Variants in LRCH1 observed in about 807,000 individuals in gnomAD.
LRCH1 encodes the protein leucine-rich repeat and calponin homology domain-containing protein 1.
In LRCH1, 23 loss-of-function variants were observed where a neutral mutation model predicts 94.9. The ratio of observed to expected loss-of-function variants is 0.24; its 90% confidence interval spans 0.17 to 0.34. The LOEUF (loss-of-function observed/expected upper bound fraction) is 0.34, where lower values mean the gene tolerates loss of function less well. Among genes scored for constraint, LRCH1 ranks in the 10% least tolerant of loss-of-function variants. The pLI is 1.00. For missense variants in LRCH1, 790 were observed against 945.9 expected, an observed-to-expected ratio of 0.84 and a Z score of 2.16; for synonymous variants, 364 against 354.9, an observed-to-expected ratio of 1.03 and a Z score of -0.29.
At chr13:46,680,457 T>C (rs560192946) in intron 3 of LRCH1, among the ~76,000 whole-genome samples, 1 of 152,168 alleles carries the variant, frequency 6.6e-6, no homozygotes, top group Admixed American at 6.5e-5. Flanking sequence ...AAGTGGTCAG[T>C]CTCCCTGGGC....
At chr13:46,586,503 C>T (rs942381738) in intron 1 of LRCH1, among the ~76,000 whole-genome samples, 3 of 152,186 alleles carry the variant, frequency 2.0e-5, no homozygotes, top group African/African-American at 7.2e-5. Flanking sequence ...GCAGCTTCCA[C>T]TTCCCCAGGC....
chr13:46,710,331 C>T (rs1871994589), intron 13 of LRCH1, among the ~76,000 whole-genome samples: 2 of 152,216 alleles, frequency 1.3e-5, no homozygotes, highest in Admixed American at 1.3e-4. Flanking sequence ...AGCAAGACAC[C>T]GTGGCTGTGG....
intron 6 of LRCH1, 33 bp downstream of exon 6, chr13:46,688,012 A>C (rs1352897228): frequency 1.3e-6 from 2 of 1,586,714 alleles, no homozygotes; most frequent in African/African-American, 2.7e-5. Context: ...GCCCCAGTTT[A>C]AAATTTGCCT....
chr13:46,685,088 C>A (rs1382210397), intron 4 of LRCH1, among the ~76,000 whole-genome samples: 2 of 152,184 alleles, frequency 1.3e-5, no homozygotes, highest in Non-Finnish European at 2.9e-5. Flanking sequence ...AACAAAAGTT[C>A]CGAGGCCTCG....
In LRCH1 at chr13:46,553,252, G is replaced by C; in HGVS notation, c.-145G>C. On this transcript the variant is annotated 5_prime_UTR_variant, in exon 1 of 20. Coordinates refer to ENST00000389797, the MANE Select transcript of LRCH1 (RefSeq NM_001164211.2). ...TCCCCGCCCGCCCCCCATTCTACGC[G>C]CCTGCCCACACCCTCCTCCCCTCCT... 3 of 358,286 alleles carry C rather than the reference G, an allele frequency of 8.4e-6. No individual in the cohort carries two copies. The highest frequency in any genetic ancestry group is 1.5e-5 in the Non-Finnish European group (3 of 193,920). 22.2% of individuals were successfully genotyped at this position (358,286 alleles called of 1,614,324 possible). A position where few individuals can be genotyped will look rare whatever the true frequency, so the allele number is the denominator to read the frequency against.
intron 1 of LRCH1, among the ~76,000 whole-genome samples, chr13:46,632,911 A>G (rs1036058003): frequency 6.6e-6 from 1 of 152,246 alleles, no homozygotes; most frequent in Admixed American, 6.5e-5. Context: ...AGTTTCTGGT[A>G]AACAGTAATA....
At chr13:46,591,915 C>A (rs1319285029) in intron 1 of LRCH1, among the ~76,000 whole-genome samples, 1 of 152,240 alleles carries the variant, frequency 6.6e-6, no homozygotes, top group African/African-American at 2.4e-5. Context: ...GCCATGGAGT[C>A]ATTCTTGAAC....
At position 46,685,921 on chromosome 13, in the gene LRCH1, C is replaced by A; in HGVS notation, c.702C>A (p.Ser234=). 1 of 1,594,690 alleles carries A rather than the reference C, an allele frequency of 6.3e-7. No homozygotes were observed. The highest frequency in any genetic ancestry group is 1.2e-5 in the South Asian group (1 of 86,230). The change falls in exon 5 of 20, where the codon TCC becomes TCA. Residue 234 remains serine (S), a synonymous_variant. Coordinates refer to ENST00000389797, the MANE Select transcript of LRCH1 (RefSeq NM_001164211.2). The part of the protein sequence containing the change: ...KVLPQELVDL[S]LVKFDFSCNK... The stretch of plus-strand genomic sequence containing the variant: ...TTATTTTAGAACTAGTAGATCTTTC[C>A]TTGGTAAAGTTTGACTTTTCCTGCA...
intron 1 of LRCH1, among the ~76,000 whole-genome samples, chr13:46,570,746 C>T (rs1407733106): frequency 2.6e-5 from 4 of 152,132 alleles, no homozygotes; most frequent in Non-Finnish European, 5.9e-5. Flanking sequence ...GAAGAGACAA[C>T]GTAAAAGCAA....
chr13:46,694,843 T>G, intron 8 of LRCH1, 50 bp from the exon 9 acceptor site: 2 of 1,602,636 alleles, frequency 1.2e-6, no homozygotes, highest in Non-Finnish European at 1.7e-6. Flanking sequence ...TGTGTTTTGC[T>G]CTTCTGTTCA....
intron 1 of LRCH1, among the ~76,000 whole-genome samples, chr13:46,642,489 A>G (rs529922706): frequency 6.6e-6 from 1 of 152,178 alleles, no homozygotes; most frequent in Non-Finnish European, 1.5e-5. Flanking sequence ...TGTGATGAGG[A>G]TTACGTGAGG....
At chr13:46,558,631 G>T (rs965374538) in intron 1 of LRCH1, among the ~76,000 whole-genome samples, 8 of 147,010 alleles carry the variant, frequency 5.4e-5, no homozygotes, top group Non-Finnish European at 1.2e-4. Flanking sequence ...TACTCGGGAG[G>T]CTGAGGCATG....
intron 1 of LRCH1, 66 bp downstream of exon 1, chr13:46,553,769 A>G: frequency 1.9e-6 from 3 of 1,576,154 alleles, no homozygotes; most frequent in Non-Finnish European, 2.6e-6. Context: ...TGCGTTCCCT[A>G]ACGCGGTGGA....
At chr13:46,608,907 G>A (rs2050716860) in intron 1 of LRCH1, among the ~76,000 whole-genome samples, 1 of 152,124 alleles carries the variant, frequency 6.6e-6, no homozygotes, top group Non-Finnish European at 1.5e-5. Context: ...AAAATTGACA[G>A]AACAAAATTT....
chr13:46,703,349 G>A (rs1383600973), intron 11 of LRCH1, among the ~76,000 whole-genome samples: 3 of 152,168 alleles, frequency 2.0e-5, no homozygotes, highest in Non-Finnish European at 2.9e-5. Flanking sequence ...TGACTTCTCT[G>A]CATCCCATTT....
chr13:46,719,247 A>G (rs1008692355), intron 16 of LRCH1, among the ~76,000 whole-genome samples: 4 of 152,248 alleles, frequency 2.6e-5, no homozygotes, highest in African/African-American at 9.6e-5. Context: ...TAATCTTTGC[A>G]ATGACGTTCT....
At chr13:46,715,036 T>G (rs1280981563) in intron 15 of LRCH1, among the ~76,000 whole-genome samples, 2 of 152,172 alleles carry the variant, frequency 1.3e-5, no homozygotes, top group African/African-American at 4.8e-5. Flanking sequence ...AATTTGACAT[T>G]GCTTTGGAGA....
At chr13:46,726,818 G>A (rs902144064) in intron 17 of LRCH1, among the ~76,000 whole-genome samples, 6 of 136,540 alleles carry the variant, frequency 4.4e-5, no homozygotes, top group African/African-American at 8.0e-5. Flanking sequence ...TTCACCTGGC[G>A]GTAACAAGAT....
At chr13:46,750,739 A>C in exon 19 of LRCH1, 1 of 805,872 alleles carries the variant, frequency 1.2e-6, no homozygotes, top group Non-Finnish European at 2.0e-6. Flanking sequence ...CCTCTCTCCC[A>C]CCCACTGCCT....
Sources: allele counts gnomAD v4.1 joint callset (sites outside exome capture counted in the v4.1 genomes callset), GRCh38; gene constraint gnomAD v4.1.1; transcripts MANE v1.5; gene names NCBI Gene and HGNC (gene_info 2026-07-23, HGNC 2026-07-21).